RBFOX1: variants seen among roughly 807,000 people sequenced by gnomAD.
The protein encoded by RBFOX1 is RNA binding fox-1 homolog 1.
In RBFOX1, 8 loss-of-function variants were observed where a neutral mutation model predicts 57.7. That is an observed-to-expected ratio of 0.14 (90% CI 0.08 to 0.25). RBFOX1 has a LOEUF of 0.25. Ranked by LOEUF, RBFOX1 falls within the 10% of genes least tolerant of loss-of-function variation. The pLI, the probability that RBFOX1 is intolerant of heterozygous loss-of-function variation, is 1.00. For synonymous variants in RBFOX1, 326 were observed against 222.4 expected (o/e 1.47, Z -4.15); for missense variants, 611 against 548.5 (o/e 1.11, Z -1.14).
intron 3 of RBFOX1, among the ~76,000 whole-genome samples, chr16:5,783,526 C>G (rs1230418235): frequency 6.6e-6 from 1 of 152,122 alleles, no homozygotes; most frequent in Non-Finnish European, 1.5e-5. Flanking sequence ...ATCCCGTTAT[C>G]CAGACATCAC....
chr16:5,424,368 T>C (rs527855478), intron 1 of RBFOX1, among the ~76,000 whole-genome samples: 3 of 152,338 alleles, frequency 2.0e-5, no homozygotes, highest in African/African-American at 7.2e-5. Flanking sequence ...GGAACAAGAC[T>C]GGGCGAGCTC....
intron 4 of RBFOX1, among the ~76,000 whole-genome samples, chr16:7,434,267 C>T (rs1242334407): frequency 6.6e-6 from 1 of 151,962 alleles, no homozygotes. Context: ...TTCAGAAGAT[C>T]GAGACCATCC....
intron 3 of RBFOX1, among the ~76,000 whole-genome samples, chr16:6,937,059 A>G (rs1424587849): frequency 6.6e-6 from 1 of 152,036 alleles, no homozygotes; most frequent in Non-Finnish European, 1.5e-5. Context: ...AACCTGCACA[A>G]TGTGCACATG....
chr16:5,578,458 CCCA>C (rs1367821043), intron 2 of RBFOX1, among the ~76,000 whole-genome samples: 2 of 152,304 alleles, frequency 1.3e-5, no homozygotes, highest in East Asian at 3.9e-4. Context: ...GGCTCTAAAG[CCCA>C]CCAGGAAAAA....
intron 3 of RBFOX1, among the ~76,000 whole-genome samples, chr16:6,769,713 G>T (rs2077984191): frequency 6.6e-6 from 1 of 152,140 alleles, no homozygotes; most frequent in South Asian, 2.1e-4. Context: ...ATAAGCTTCT[G>T]TGGCTTGATC....
At chr16:6,094,776 A>T (rs560598775) in intron 1 of RBFOX1, among the ~76,000 whole-genome samples, 1 of 152,300 alleles carries the variant, frequency 6.6e-6, no homozygotes, top group East Asian at 1.9e-4. Context: ...TTATACCTAT[A>T]GGAGGGGCTG....
intron 2 of RBFOX1, among the ~76,000 whole-genome samples, chr16:5,587,539 C>G (rs1307511686): frequency 6.6e-6 from 1 of 152,124 alleles, no homozygotes. Context: ...ATGGTGAAAC[C>G]CCGTCTCTAC....
chr16:7,609,167 T>C (rs1441269018), intron 10 of RBFOX1, among the ~76,000 whole-genome samples: 1 of 152,222 alleles, frequency 6.6e-6, no homozygotes, highest in African/African-American at 2.4e-5. Flanking sequence ...CAGTTTCTCC[T>C]ATATGCACAT....
chr16:6,871,007 T>A (rs898473588), intron 3 of RBFOX1, among the ~76,000 whole-genome samples: 9 of 152,210 alleles, frequency 5.9e-5, no homozygotes, highest in Admixed American at 2.0e-4. Context: ...GAATAACAGA[T>A]GCTCATTAAA....
chr16:5,615,290 C>T lies in RBFOX1; in HGVS notation c.318+16329C>T, dbSNP rs149322991. ...AATTGATCCTCCTGCCTTGGCCTCCCAAAGCACTGGGATTACAGAAAGGAG... is the reference window on the plus strand; with the variant it reads ...AATTGATCCTCCTGCCTTGGCCTCCTAAAGCACTGGGATTACAGAAAGGAG... On this transcript the variant is annotated intron_variant, in intron 3 of 19. Coordinates refer to the RBFOX1 transcript ENST00000641259. Among the ~76,000 whole-genome samples the T allele has an allele frequency of 2.3e-3, 346 of 152,256 alleles. 1 individual carries two copies. Among genetic ancestry groups the T allele is most frequent in the African/African-American group, 7.7e-3 (320 of 41,554 alleles).
intron 4 of RBFOX1, among the ~76,000 whole-genome samples, chr16:7,314,152 C>T (rs1367156031): frequency 6.6e-6 from 1 of 152,134 alleles, no homozygotes; most frequent in African/African-American, 2.4e-5. Context: ...TGAGAATCAT[C>T]AGCACTGAGA....
chr16:5,961,746 T>C (rs1311291470), intron 4 of RBFOX1, among the ~76,000 whole-genome samples: 2 of 152,136 alleles, frequency 1.3e-5, no homozygotes, highest in Admixed American at 6.6e-5. Context: ...CAGGCTGGTC[T>C]CAAACTCCCG....
At chr16:6,772,617 G>C (rs1036409333) in intron 3 of RBFOX1, among the ~76,000 whole-genome samples, 5 of 150,132 alleles carry the variant, frequency 3.3e-5, no homozygotes, top group African/African-American at 5.0e-5. Context: ...GTGAGTGTAT[G>C]TGTATGTGTG....
chr16:5,283,118 G>A (rs1046429995), intron 1 of RBFOX1, among the ~76,000 whole-genome samples: 13 of 152,236 alleles, frequency 8.5e-5, no homozygotes, highest in Admixed American at 2.6e-4. Context: ...CCAAGCCTTA[G>A]CAGCTTTCAC....
chr16:6,736,871 C>G lies in RBFOX1; in HGVS notation c.-16+82221C>G, dbSNP rs146047003. Among the ~76,000 whole-genome samples the G allele has an allele frequency of 1.6e-3, 249 of 152,192 alleles. 3 individuals carry two copies. The Middle Eastern group carries it at 0.017, about 10-fold the overall frequency. ...AAAGTGGGATACCTAGAGTCTGAAGCAATTGATTTGGAGCCTAGGTATAGA... is the reference window on the plus strand; with the variant it reads ...AAAGTGGGATACCTAGAGTCTGAAGGAATTGATTTGGAGCCTAGGTATAGA... On this transcript the variant is annotated intron_variant, in intron 3 of 15. Transcript: ENST00000550418.
intron 3 of RBFOX1, among the ~76,000 whole-genome samples, chr16:6,927,687 G>C (rs560359952): frequency 6.6e-6 from 1 of 151,448 alleles, no homozygotes; most frequent in African/African-American, 2.4e-5. Context: ...GCCCTTTGGG[G>C]GAGCAGATTT....
intron 4 of RBFOX1, among the ~76,000 whole-genome samples, chr16:7,150,871 A>G (rs1213577584): frequency 6.6e-6 from 1 of 152,200 alleles, no homozygotes; most frequent in Non-Finnish European, 1.5e-5. Flanking sequence ...CTTACACCAC[A>G]TTATAATTAT....
intron 1 of RBFOX1, among the ~76,000 whole-genome samples, chr16:5,454,624 C>A (rs2151574605): frequency 6.6e-6 from 1 of 152,316 alleles, no homozygotes. Context: ...TGGACTTGAA[C>A]TATGGCATCT....
At chr16:7,607,372 G>A in intron 10 of RBFOX1, 34 bp downstream of exon 10, 3 of 1,588,154 alleles carry the variant, frequency 1.9e-6, no homozygotes, top group Non-Finnish European at 2.6e-6. Flanking sequence ...AGTCTTCTCA[G>A]TCTTTTCTAA....
Sources: allele counts gnomAD v4.1 joint callset (sites outside exome capture counted in the v4.1 genomes callset), GRCh38; gene constraint gnomAD v4.1.1; transcripts MANE v1.5; gene names NCBI Gene and HGNC (gene_info 2026-07-23, HGNC 2026-07-21).